The following TLK2 variants were observed in gnomAD, a reference collection of about 807,000 sequenced individuals.
TLK2 encodes the protein serine/threonine-protein kinase tousled-like 2.
TLK2 carries 6 observed loss-of-function variants against 117.3 expected under a neutral mutation model. The ratio of observed to expected loss-of-function variants is 0.05; its 90% CI spans 0.03 to 0.10. The LOEUF is 0.10. Ranked by LOEUF, TLK2 falls within the 10% of genes least tolerant of loss-of-function variation. The probability of loss-of-function intolerance (pLI) is 1.00; values close to 1 mark genes in which losing one functional copy is unlikely to be tolerated. For missense variants in TLK2, 299 were observed against 901.2 expected (o/e 0.33, Z 8.56); for synonymous variants, 257 against 316.7 (o/e 0.81, Z 2.00).
At chr17:62,479,956 CTTCT>C (rs1567756413) in intron 1 of TLK2, among the ~76,000 whole-genome samples, 1 of 152,036 alleles carries the variant, frequency 6.6e-6, no homozygotes, top group Admixed American at 6.6e-5. Context: ...CTTTTTTTTC[CTTCT>C]TTTTCTTTTT....
intron 2 of TLK2, among the ~76,000 whole-genome samples, chr17:62,482,389 GA>G (rs1270634437): frequency 6.6e-6 from 1 of 151,692 alleles, no homozygotes; most frequent in Non-Finnish European, 1.5e-5. Context: ...GGTTTAGTTG[GA>G]AAAATGGGCT....
At chr17:62,525,263 C>T (rs1468234961) in intron 6 of TLK2, among the ~76,000 whole-genome samples, 2 of 152,006 alleles carry the variant, frequency 1.3e-5, no homozygotes, top group Non-Finnish European at 2.9e-5. Context: ...GTACTCATTT[C>T]CTAAGCGATT....
chr17:62,472,675 T>C (rs2070963826), intron 1 of TLK2, among the ~76,000 whole-genome samples: 1 of 151,656 alleles, frequency 6.6e-6, no homozygotes, highest in African/African-American at 2.4e-5. Flanking sequence ...GAGGCCCAGG[T>C]TGCAGTGAGC....
chr17:62,501,595 A>G (rs963926782), intron 2 of TLK2, among the ~76,000 whole-genome samples: 6 of 151,376 alleles, frequency 4.0e-5, no homozygotes, highest in Non-Finnish European at 8.8e-5. Context: ...TGGAAGAAAA[A>G]ACAAATTAAA....
At chr17:62,568,645 T>G (rs2080000724) in intron 11 of TLK2, among the ~76,000 whole-genome samples, 1 of 151,730 alleles carries the variant, frequency 6.6e-6, no homozygotes, top group Non-Finnish European at 1.5e-5. Flanking sequence ...AGTGCAGTGG[T>G]GCAATCTCGG....
chr17:62,496,596 G>A (rs1299045177), intron 2 of TLK2, among the ~76,000 whole-genome samples: 2 of 152,220 alleles, frequency 1.3e-5, no homozygotes, highest in South Asian at 2.1e-4. Flanking sequence ...AAATATTTGT[G>A]TGTGTGTATA....
At chr17:62,524,188 C>G in intron 5 of TLK2, 48 bp from the exon 6 acceptor site, 1 of 1,600,574 alleles carries the variant, frequency 6.2e-7, no homozygotes, top group Non-Finnish European at 8.5e-7. Flanking sequence ...TTATCTGAAG[C>G]ATAGTACTGT....
chr17:62,493,918 C>T (rs2598128), intron 2 of TLK2, among the ~76,000 whole-genome samples: 318 of 151,972 alleles, frequency 2.1e-3, no homozygotes, highest in Non-Finnish European at 3.9e-3. Flanking sequence ...CCACCATGCC[C>T]GGCTAATTTT....
At chr17:62,479,857 G>A (rs2071409808) in intron 1 of TLK2, among the ~76,000 whole-genome samples, 1 of 152,264 alleles carries the variant, frequency 6.6e-6, no homozygotes, top group South Asian at 2.1e-4. Flanking sequence ...TTGGGGTTTG[G>A]GAGAGACTGC....
intron 7 of TLK2, among the ~76,000 whole-genome samples, chr17:62,538,033 G>GTTTTTTTTTTTTTTTTTTTT (rs57512334): frequency 9.4e-6 from 1 of 106,164 alleles, no homozygotes; most frequent in Non-Finnish European, 1.8e-5. Context: ...TTAAATCTTT[G>GTTTTTTTTTTTTTTTTTTTT]TTTTTTTTTT....
In TLK2 at chr17:62,499,683, C is replaced by T. The variant is rs189216930; in HGVS notation, c.81+18477C>T. 7.3e-3 allele frequency among the ~76,000 whole-genome samples: 1,103 copies of T among 151,810 alleles called. 22 individuals carry two copies. The highest frequency in any genetic ancestry group is 0.026 in the African/African-American group (1,072 of 41,394). Reference sequence around the variant, plus strand: ...TGGGCAACATGGTAAAACCCTGTCTCTACTAAAAATACAAAAAATTAGCCG... The same window carrying T: ...TGGGCAACATGGTAAAACCCTGTCTTTACTAAAAATACAAAAAATTAGCCG... On this transcript the variant is annotated intron_variant, in intron 2 of 21. Transcript: ENST00000346027.
upstream of TLK2, among the ~76,000 whole-genome samples, chr17:62,476,285 T>C (rs957270786): frequency 6.6e-6 from 1 of 151,876 alleles, no homozygotes; most frequent in Admixed American, 6.6e-5. Flanking sequence ...CAGCCTACTT[T>C]GAAAAATGGG....
intron 2 of TLK2, among the ~76,000 whole-genome samples, chr17:62,489,947 C>T (rs2072929642): frequency 6.6e-6 from 1 of 152,184 alleles, no homozygotes; most frequent in South Asian, 2.1e-4. Flanking sequence ...CTCCCTGTGT[C>T]AGCCTCCTGA....
intron 20 of TLK2, 28 bp from the exon 21 acceptor site, chr17:62,608,013 A>T: frequency 6.3e-7 from 1 of 1,578,496 alleles, no homozygotes; most frequent in Non-Finnish European, 8.7e-7. Context: ...TCAGAGGCCT[A>T]CATTATTTGT....
intron 16 of TLK2, among the ~76,000 whole-genome samples, chr17:62,590,959 T>C (rs1001477672): frequency 3.9e-5 from 6 of 152,194 alleles, no homozygotes; most frequent in Non-Finnish European, 8.8e-5. Context: ...TGATTACTAA[T>C]AGAAAATCTG....
At chr17:62,563,118 TAAAA>T (rs946913131) in intron 10 of TLK2, among the ~76,000 whole-genome samples, 4 of 152,120 alleles carry the variant, frequency 2.6e-5, no homozygotes, top group East Asian at 1.9e-4. Context: ...TACTCAGTAA[TAAAA>T]AAAGAATGAA....
rs117970944 is a variant in TLK2 at position 62,570,001 on chromosome 17, C to T, written c.969-3214C>T. ...GTGGCAGCCCCAGGTGTTGGGCTTG[C>T]GGCAGCATAACTCCATTCTCTGTCT... On this transcript the variant is annotated intron_variant, in intron 11 of 21. Coordinates refer to ENST00000346027, the MANE Select transcript of TLK2 (RefSeq NM_006852.6). 5.9e-5 allele frequency among the ~76,000 whole-genome samples: 9 copies of T among 152,216 alleles called. No homozygotes were observed. In the South Asian group the frequency reaches 1.7e-3, roughly 28 times the overall value.
At chr17:62,543,344 G>GT (rs1219712016) in intron 7 of TLK2, among the ~76,000 whole-genome samples, 1 of 151,098 alleles carries the variant, frequency 6.6e-6, no homozygotes, top group Non-Finnish European at 1.5e-5. Context: ...GTAGACATAC[G>GT]TTTTCGTTTC....
At chr17:62,479,873 T>C (rs7405495) in intron 1 of TLK2, among the ~76,000 whole-genome samples, 142,359 of 152,334 alleles carry the variant, frequency 0.93, 67,281 homozygotes, top group East Asian at 1. Flanking sequence ...ACTGCAACCT[T>C]TGCCATTCCG....
Sources: allele counts gnomAD v4.1 joint callset (sites outside exome capture counted in the v4.1 genomes callset), GRCh38; gene constraint gnomAD v4.1.1; transcripts MANE v1.5; gene names NCBI Gene and HGNC (gene_info 2026-07-23, HGNC 2026-07-21).